Variants in STX17 observed in about 807,000 individuals in gnomAD.
STX17 encodes syntaxin-17.
STX17 carries 29 observed loss-of-function variants against 35.9 expected under a neutral mutation model. That is an observed-to-expected ratio of 0.81 (90% CI 0.60 to 1.10). The LOEUF is 1.10. STX17 is among the 50% of genes least tolerant of loss of function. The pLI is 0.00. For missense variants in STX17, 312 were observed against 352.3 expected (o/e 0.89, Z 0.92); for synonymous variants, 92 against 118.3 (o/e 0.78, Z 1.44).
intron 4 of STX17, among the ~76,000 whole-genome samples, chr9:99,959,566 C>G (rs1169535358): frequency 6.7e-6 from 1 of 149,826 alleles, no homozygotes; most frequent in Non-Finnish European, 1.5e-5. Context: ...CTGAAGTGAT[C>G]CCCCCACCTC....
At chr9:99,930,488 C>T (rs899609018) in intron 3 of STX17, among the ~76,000 whole-genome samples, 4 of 151,912 alleles carry the variant, frequency 2.6e-5, no homozygotes, top group Admixed American at 6.6e-5. Flanking sequence ...AGGATGATCT[C>T]GATCTCCTGA....
intron 2 of STX17, among the ~76,000 whole-genome samples, chr9:99,918,213 T>G (rs956719588): frequency 6.6e-6 from 1 of 152,224 alleles, no homozygotes; most frequent in Non-Finnish European, 1.5e-5. Context: ...CACTGTAATG[T>G]TAAACTCCTA....
At chr9:99,915,152 T>TCA in intron 1 of STX17, 26 bp from the exon 2 acceptor site, 1 of 1,400,608 alleles carries the variant, frequency 7.1e-7, no homozygotes, top group Non-Finnish European at 9.4e-7. Context: ...TTTGAAAACA[T>TCA]TCTTAAAGAA....
intron 1 of STX17, among the ~76,000 whole-genome samples, chr9:99,913,249 A>T (rs1828696633): frequency 6.6e-6 from 1 of 151,984 alleles, no homozygotes; most frequent in Non-Finnish European, 1.5e-5. Context: ...TTATCAGTAT[A>T]TTCTCTTTGA....
At chr9:99,952,198 A>G (rs1481684201) in intron 4 of STX17, among the ~76,000 whole-genome samples, 1 of 152,034 alleles carries the variant, frequency 6.6e-6, no homozygotes, top group African/African-American at 2.4e-5. Flanking sequence ...AATCTTAGAG[A>G]TGTTACAAAA....
intron 3 of STX17, among the ~76,000 whole-genome samples, chr9:99,944,674 C>T (rs989114907): frequency 1.3e-5 from 2 of 151,944 alleles, no homozygotes; most frequent in African/African-American, 2.4e-5. Context: ...ACCACCACAC[C>T]CGGCTAATTT....
intron 4 of STX17, 35 bp from the exon 5 acceptor site, chr9:99,959,882 T>C (rs1490649256): frequency 6.8e-7 from 1 of 1,478,176 alleles, no homozygotes; most frequent in Non-Finnish European, 9.3e-7. Context: ...ACAAAGCAAA[T>C]AAACTCTAAA....
intron 3 of STX17, among the ~76,000 whole-genome samples, chr9:99,948,917 T>C (rs150749758): frequency 1.3e-5 from 2 of 152,282 alleles, no homozygotes; most frequent in Admixed American, 1.3e-4. Context: ...AAATTTTTAA[T>C]GCTTCTCCAA....
chr9:99,951,863 C>A (rs1829606106), intron 4 of STX17, among the ~76,000 whole-genome samples: 1 of 151,908 alleles, frequency 6.6e-6, no homozygotes. Context: ...TGAAAATATT[C>A]TTGGCTTAAT....
rs1408501062 is a variant in STX17 at position 99,972,495 on chromosome 9, C to T, written c.*3822C>T. ...GTATGATGGTGCTGTGTAGAACTGA[C>T]CAGAGTTCCTGGAGGATTTTGAGGT... is the stretch of plus-strand genomic sequence containing the variant. On this transcript the variant is annotated 3_prime_UTR_variant, in exon 8 of 8. Coordinates refer to ENST00000259400, the MANE Select transcript of STX17 (RefSeq NM_017919.3). 6.6e-6 allele frequency among the ~76,000 whole-genome samples: 1 copy of T among 152,006 alleles called. No individual in the cohort carries two copies. Among genetic ancestry groups the T allele is most frequent in the Non-Finnish European group, 1.5e-5 (1 of 67,990 alleles).
At chr9:99,932,454 C>G (rs1829144906) in intron 3 of STX17, among the ~76,000 whole-genome samples, 1 of 152,088 alleles carries the variant, frequency 6.6e-6, no homozygotes, top group Non-Finnish European at 1.5e-5. Flanking sequence ...GACTATGTCT[C>G]CACTATTTGT....
rs1830016548 is a variant in STX17, at chr9:99,971,646, G to T, written c.*2973G>T. Among the ~76,000 whole-genome samples the T allele has an allele frequency of 6.6e-6, 1 of 152,188 alleles. No homozygotes were observed. Among genetic ancestry groups the T allele is most frequent in the Non-Finnish European group, 1.5e-5 (1 of 68,038 alleles). On this transcript the variant is annotated 3_prime_UTR_variant, in exon 8 of 8. Transcript: ENST00000259400. ...TTGCAGAGGTTTACTCAACTACAAA[G>T]GGGTGAAGCCAGGAATGTTAACTAG...
In STX17 at chr9:99,970,435, C is replaced by G. The variant is rs2118559191; in HGVS notation, c.*1762C>G. On this transcript the variant is annotated 3_prime_UTR_variant, in exon 8 of 8. Coordinates refer to ENST00000259400, the MANE Select transcript of STX17 (RefSeq NM_017919.3). ...TGTCAGATTCTGATCCAGTATTGGA[C>G]ACCTGTGATATTGGACACCTGTGAG... 6.6e-6 allele frequency: 1 copy of G among 152,236 alleles called. No individual in the cohort carries two copies. The highest frequency in any genetic ancestry group is 1.9e-4 in the East Asian group (1 of 5,184). The allele number at this position is 152,236 out of a possible 1,614,324, so 9.4% of individuals were successfully genotyped here. A position where few individuals can be genotyped will look rare whatever the true frequency, so the allele number is the denominator to read the frequency against.
At chr9:99,956,166 A>T (rs1829707050) in intron 4 of STX17, among the ~76,000 whole-genome samples, 1 of 152,268 alleles carries the variant, frequency 6.6e-6, no homozygotes, top group South Asian at 2.1e-4. Flanking sequence ...TAAGATGCAT[A>T]CGTAGTTTGG....
chr9:99,947,127 C>T (rs1371050993), intron 3 of STX17, among the ~76,000 whole-genome samples: 2 of 151,934 alleles, frequency 1.3e-5, no homozygotes, highest in Non-Finnish European at 2.9e-5. Flanking sequence ...AACTTTTCTT[C>T]TATATTTTTT....
chr9:99,918,312 G>T (rs1239687983), intron 2 of STX17, among the ~76,000 whole-genome samples: 1 of 152,002 alleles, frequency 6.6e-6, no homozygotes, highest in African/African-American at 2.4e-5. Flanking sequence ...AAATATTTTT[G>T]TAGAGACGGG....
At position 99,972,094 on chromosome 9, in the gene STX17, C is replaced by CT. The variant is rs1453420400; in HGVS notation, c.*3422dup. On this transcript the variant is annotated 3_prime_UTR_variant, in exon 8 of 8. Transcript: ENST00000259400. ...TTTTTAAAAAACTTCTGATTCCTTA[C>CT]TGAGTGTCCAGCAGCCTCAAAGTTT... Among the ~76,000 whole-genome samples the CT allele has an allele frequency of 1.3e-5, 2 of 152,178 alleles. No individual in the cohort carries two copies. The highest frequency in any genetic ancestry group is 4.8e-5 in the African/African-American group (2 of 41,446).
chr9:99,963,497 C>T (rs1829864117), intron 6 of STX17, among the ~76,000 whole-genome samples: 1 of 152,124 alleles, frequency 6.6e-6, no homozygotes, highest in Non-Finnish European at 1.5e-5. Flanking sequence ...CCTATGTGAC[C>T]TTCAGGATGT....
intron 1 of STX17, among the ~76,000 whole-genome samples, chr9:99,911,251 T>C (rs537048371): frequency 1.3e-5 from 2 of 152,278 alleles, no homozygotes; most frequent in East Asian, 3.9e-4. Context: ...TTAGCCAGGA[T>C]GGTCTCGATC....
Sources: gnomAD v4.1 joint callset for allele counts (sites outside exome capture counted in the v4.1 genomes callset) on GRCh38, gnomAD v4.1.1 for gene constraint, MANE v1.5 for transcripts, NCBI Gene and HGNC (gene_info 2026-07-23, HGNC 2026-07-21) for gene names.